Variants in LRBA observed in about 807,000 individuals in gnomAD.
LRBA encodes the protein lipopolysaccharide-responsive and beige-like anchor protein.
Under a neutral mutation model 330.0 loss-of-function variants are expected in LRBA, and 176 were observed. The ratio of observed to expected loss-of-function variants is 0.53; its 90% CI spans 0.47 to 0.60. LRBA has a LOEUF of 0.60. Among genes scored for constraint, LRBA ranks in the 20% least tolerant of loss-of-function variants. LRBA has a pLI of 0.00. For missense variants in LRBA, 3,259 were observed against 3,444.8 expected (o/e 0.95, Z 1.35); for synonymous variants, 1,230 against 1,193.0 (o/e 1.03, Z -0.64).
At chr4:150,386,190 C>T (rs928682257) in intron 47 of LRBA, among the ~76,000 whole-genome samples, 1 of 151,610 alleles carries the variant, frequency 6.6e-6, no homozygotes, top group Non-Finnish European at 1.5e-5. Flanking sequence ...CAGCATTCTC[C>T]ATAACTCTCC....
chr4:150,639,743 A>G (rs1171653783), intron 37 of LRBA, among the ~76,000 whole-genome samples: 5 of 1,430 alleles, frequency 3.5e-3, no homozygotes, highest in African/African-American at 9.9e-3. Flanking sequence ...CCAAATATAT[A>G]TATATATATA....
intron 47 of LRBA, among the ~76,000 whole-genome samples, chr4:150,404,683 A>G (rs2151934900): frequency 6.6e-6 from 1 of 152,318 alleles, no homozygotes; most frequent in Non-Finnish European, 1.5e-5. Flanking sequence ...AATCCTTTTC[A>G]ATTATATAGA....
chr4:150,979,094 T>C (rs987527269), intron 2 of LRBA, among the ~76,000 whole-genome samples: 2 of 151,938 alleles, frequency 1.3e-5, no homozygotes, highest in African/African-American at 4.8e-5. Context: ...CATTTAATAA[T>C]CAAACTCCCA....
At chr4:150,493,323 C>G (rs1449100609) in intron 40 of LRBA, among the ~76,000 whole-genome samples, 1 of 152,198 alleles carries the variant, frequency 6.6e-6, no homozygotes, top group Non-Finnish European at 1.5e-5. Flanking sequence ...AGCCTATTGC[C>G]TCTTCAGCAC....
At chr4:150,711,195 T>C (rs72959859) in intron 36 of LRBA, among the ~76,000 whole-genome samples, 9,973 of 151,744 alleles carry the variant, frequency 0.066, 1,025 homozygotes, top group African/African-American at 0.22. Context: ...AGGTATAACA[T>C]AGGAAACATA....
chr4:150,538,169 C>A (rs1764887624), intron 40 of LRBA, among the ~76,000 whole-genome samples: 1 of 152,112 alleles, frequency 6.6e-6, no homozygotes, highest in African/African-American at 2.4e-5. Context: ...CAAAAGAGAA[C>A]TTTTATACAC....
chr4:150,488,530 T>G (rs553331351), intron 41 of LRBA, among the ~76,000 whole-genome samples: 10 of 151,706 alleles, frequency 6.6e-5, no homozygotes, highest in Admixed American at 4.0e-4. Flanking sequence ...CATGTCAATA[T>G]GTAAACATAT....
chr4:150,985,499 GTT>G (rs1371910902), intron 2 of LRBA, among the ~76,000 whole-genome samples: 1 of 142,726 alleles, frequency 7.0e-6, no homozygotes, highest in Non-Finnish European at 1.5e-5. Flanking sequence ...TTAATATATA[GTT>G]TTTTTTTTTT....
intron 2 of LRBA, among the ~76,000 whole-genome samples, chr4:150,972,037 C>A (rs996575047): frequency 6.6e-6 from 1 of 152,062 alleles, no homozygotes; most frequent in African/African-American, 2.4e-5. Context: ...TTTATAGATT[C>A]TCTTATAAGT....
intron 40 of LRBA, among the ~76,000 whole-genome samples, chr4:150,538,753 G>A (rs1162291610): frequency 1.3e-5 from 2 of 150,696 alleles, no homozygotes; most frequent in African/African-American, 4.9e-5. Flanking sequence ...TTGAGCCCAG[G>A]CTCAGTGAGC....
chr4:150,725,877 G>C (rs1431914731), intron 36 of LRBA, among the ~76,000 whole-genome samples: 1 of 152,146 alleles, frequency 6.6e-6, no homozygotes, highest in Non-Finnish European at 1.5e-5. Context: ...GTTCCTTTTT[G>C]TGTGTTTGTT....
chr4:150,651,299 C>T (rs1178895254), intron 37 of LRBA, among the ~76,000 whole-genome samples: 2 of 152,042 alleles, frequency 1.3e-5, no homozygotes, highest in Admixed American at 1.3e-4. Context: ...CCAGAATATC[C>T]CCAATAACAA....
rs185667957 is a variant in LRBA at position 150,787,734 on chromosome 4, C to T, written c.5580+10347G>A. Among the ~76,000 whole-genome samples, 188 of 152,306 alleles carry T rather than the reference C, an allele frequency of 1.2e-3. 3 individuals carry two copies. The highest frequency in any genetic ancestry group is 4.4e-3 in the African/African-American group (184 of 41,570). On this transcript the variant is annotated intron_variant, in intron 34 of 56. Coordinates refer to ENST00000651943, the MANE Select transcript of LRBA (RefSeq NM_001364905.1). ...AATTATTATTGACCATAGTCACACTCTTGTGCTATCAAATACTATTATTTT... is the reference window on the plus strand; with the variant it reads ...AATTATTATTGACCATAGTCACACTTTTGTGCTATCAAATACTATTATTTT...
chr4:150,348,987 T>G (rs1736779858), intron 48 of LRBA, among the ~76,000 whole-genome samples: 1 of 152,162 alleles, frequency 6.6e-6, no homozygotes, highest in African/African-American at 2.4e-5. Flanking sequence ...AGAGTTTATG[T>G]GACCCAATTC....
intron 40 of LRBA, among the ~76,000 whole-genome samples, chr4:150,516,243 T>G (rs1299858807): frequency 6.1e-5 from 8 of 130,596 alleles, no homozygotes; most frequent in African/African-American, 1.6e-4. Flanking sequence ...TTTTTTTTTT[T>G]GCTAAGTACC....
At chr4:150,475,832 A>T (rs1756643746) in intron 42 of LRBA, among the ~76,000 whole-genome samples, 1 of 151,824 alleles carries the variant, frequency 6.6e-6, no homozygotes, top group African/African-American at 2.4e-5. Context: ...TGAGCCCAGG[A>T]GTTTGAAGCT....
chr4:150,692,106 G>T (rs554749626), intron 36 of LRBA, among the ~76,000 whole-genome samples: 1 of 152,186 alleles, frequency 6.6e-6, no homozygotes, highest in East Asian at 1.9e-4. Context: ...TATTATAATG[G>T]TAAAATCACA....
chr4:150,552,757 T>A (rs907037877), intron 40 of LRBA, among the ~76,000 whole-genome samples: 2 of 152,042 alleles, frequency 1.3e-5, no homozygotes, highest in African/African-American at 4.8e-5. Flanking sequence ...CAAATGTCCA[T>A]CAATGATAGA....
intron 34 of LRBA, among the ~76,000 whole-genome samples, chr4:150,788,501 AAC>A (rs1471044626): frequency 6.6e-6 from 1 of 152,122 alleles, no homozygotes; most frequent in African/African-American, 2.4e-5. Context: ...TAGAATAAAA[AAC>A]ATTTATTAAA....
Sources: gnomAD v4.1 joint callset for allele counts (sites outside exome capture counted in the v4.1 genomes callset) on GRCh38, gnomAD v4.1.1 for gene constraint, MANE v1.5 for transcripts, NCBI Gene and HGNC (gene_info 2026-07-23, HGNC 2026-07-21) for gene names.